The following MED13 variants were observed in gnomAD, a reference collection of about 807,000 sequenced individuals.
MED13 encodes the protein mediator complex subunit 13.
MED13 carries 23 observed loss-of-function variants against 225.2 expected under a neutral mutation model. The ratio of observed to expected loss-of-function variants is 0.10; its 90% confidence interval spans 0.07 to 0.14. The LOEUF (loss-of-function observed/expected upper bound fraction) is 0.14. Ranked by LOEUF, MED13 falls within the 10% of genes least tolerant of loss-of-function variation. MED13 has a pLI of 1.00. For synonymous variants in MED13, 942 were observed against 889.2 expected (o/e 1.06, Z -1.06); for missense variants, 2,197 against 2,594.5 (o/e 0.85, Z 3.33).
chr17:61,958,021 C>A (rs1260515608), intron 23 of MED13, among the ~76,000 whole-genome samples: 1 of 151,528 alleles, frequency 6.6e-6, no homozygotes, highest in Non-Finnish European at 1.5e-5. Flanking sequence ...CCCGCCACTA[C>A]GCCCAGCTAA....
intron 2 of MED13, among the ~76,000 whole-genome samples, chr17:62,060,497 G>A (rs1351353384): frequency 6.6e-6 from 1 of 151,512 alleles, no homozygotes; most frequent in Non-Finnish European, 1.5e-5. Context: ...GTGGGCGCCT[G>A]TAGTCCCAGG....
chr17:61,964,064 C>T (rs2080031505), intron 20 of MED13, among the ~76,000 whole-genome samples: 1 of 152,208 alleles, frequency 6.6e-6, no homozygotes, highest in Non-Finnish European at 1.5e-5. Flanking sequence ...CAGTACAACT[C>T]TAAAGCCTCT....
intron 10 of MED13, 47 bp downstream of exon 10, chr17:61,995,105 G>T: frequency 7.8e-7 from 1 of 1,286,908 alleles, no homozygotes; most frequent in Non-Finnish European, 1.1e-6. Flanking sequence ...TATATGCAGT[G>T]CTACAAAATC....
At position 61,982,203 on chromosome 17, in the gene MED13, C is replaced by A. The variant is rs756119296; in HGVS notation, c.3800G>T (p.Arg1267Ile). 1 of 1,602,654 alleles carries A rather than the reference C, an allele frequency of 6.2e-7. No homozygotes were observed. The highest frequency in any genetic ancestry group is 1.7e-5 in the Admixed American group (1 of 57,762). The change falls in exon 16 of 30, where the codon AGA (arginine) becomes ATA (isoleucine). Residue 1267 changes from arginine to isoleucine, a missense_variant. Transcript: ENST00000397786. Reference sequence around the variant, plus strand: ...ATTTTATTGGCATACTTTACCGTTTCTTTTGGACCAGGGGTGTAAGCATGA... The same window carrying A: ...ATTTTATTGGCATACTTTACCGTTTATTTTGGACCAGGGGTGTAAGCATGA... ...KSSCLHPWSK[R>I]NDVSMQCSQD...
intron 3 of MED13, among the ~76,000 whole-genome samples, chr17:62,049,691 G>T (rs1028960834): frequency 6.6e-6 from 1 of 152,156 alleles, no homozygotes; most frequent in Non-Finnish European, 1.5e-5. Context: ...CAGCACTTGG[G>T]GAGGCCGAGG....
intron 3 of MED13, among the ~76,000 whole-genome samples, chr17:62,048,057 T>TATAC (rs1186363218): frequency 6.9e-6 from 1 of 143,962 alleles, no homozygotes; most frequent in Non-Finnish European, 1.5e-5. Flanking sequence ...TATATATATA[T>TATAC]ATATATGTAT....
intron 9 of MED13, among the ~76,000 whole-genome samples, chr17:62,008,317 C>CAAAAAAAAAAAA (rs766909961): frequency 0.015 from 496 of 33,166 alleles, 61 homozygotes; most frequent in East Asian, 0.024. Flanking sequence ...GGCTCTGTCT[C>CAAAAAAAAAAAA]AAAAAAAAAA....
chr17:62,049,076 G>GAAAAAAAAAAAAAAAAA (rs2080929105), intron 3 of MED13, among the ~76,000 whole-genome samples: 1 of 19,140 alleles, frequency 5.2e-5, no homozygotes, highest in African/African-American at 4.2e-4. Context: ...CAGTAAATAA[G>GAAAAAAAAAAAAAAAAA]ACAAAAAAAA....
At chr17:62,056,253 CGTT>C (rs79818060) in intron 2 of MED13, among the ~76,000 whole-genome samples, 10,726 of 152,182 alleles carry the variant, frequency 0.07, 601 homozygotes, top group South Asian at 0.31. Flanking sequence ...ACTTTCTACA[CGTT>C]GTATTCAGAT....
chr17:62,009,083 G>A (rs937961341), intron 9 of MED13, among the ~76,000 whole-genome samples: 3 of 152,104 alleles, frequency 2.0e-5, no homozygotes, highest in Non-Finnish European at 2.9e-5. Context: ...GGAAGGAATC[G>A]TAATCTTTGT....
At chr17:62,022,968 T>A (rs973746644) in intron 8 of MED13, among the ~76,000 whole-genome samples, 1 of 152,086 alleles carries the variant, frequency 6.6e-6, no homozygotes, top group Non-Finnish European at 1.5e-5. Flanking sequence ...CATGATTTCA[T>A]CACTGCACTC....
chr17:62,034,756 T>C (rs973760130), intron 4 of MED13, among the ~76,000 whole-genome samples: 1 of 152,192 alleles, frequency 6.6e-6, no homozygotes, highest in African/African-American at 2.4e-5. Flanking sequence ...TTATAAAATA[T>C]TTCTTCTAGA....
chr17:61,991,582 C>T (rs1202812224), intron 11 of MED13, among the ~76,000 whole-genome samples: 1 of 152,106 alleles, frequency 6.6e-6, no homozygotes, highest in Admixed American at 6.6e-5. Context: ...GATCTCGGCA[C>T]ACTGCAACCT....
chr17:61,963,298 T>C (rs2080023106), intron 20 of MED13, among the ~76,000 whole-genome samples: 2 of 141,926 alleles, frequency 1.4e-5, no homozygotes, highest in African/African-American at 5.3e-5. Flanking sequence ...TGGCTTAGAG[T>C]TTAAGGGATA....
intron 2 of MED13, among the ~76,000 whole-genome samples, chr17:62,057,694 T>C (rs773298503): frequency 2.6e-5 from 4 of 152,186 alleles, no homozygotes; most frequent in Admixed American, 6.5e-5. Context: ...TTCAGAACAA[T>C]AGTCCACTTA....
chr17:61,978,516 G>T (rs922776809), intron 16 of MED13, among the ~76,000 whole-genome samples: 1 of 152,070 alleles, frequency 6.6e-6, no homozygotes, highest in Non-Finnish European at 1.5e-5. Flanking sequence ...ACTTTGTGGG[G>T]GGCCAAGGTG....
chr17:62,029,696 C>T lies in MED13; in HGVS notation c.1173-45G>A, dbSNP rs763035906. 4.5e-6 allele frequency: 7 copies of T among 1,567,066 alleles called. No homozygotes were observed. The East Asian group carries it at 1.6e-4, about 35-fold the overall frequency. On this transcript the variant is annotated intron_variant, in intron 7 of 29. Coordinates refer to ENST00000397786, the MANE Select transcript of MED13 (RefSeq NM_005121.3). ...AATTCTTTAAAATTCATAAAATTTTCTATCAAACCTCAATGTAGCATTGAA... is the reference window on the plus strand; with the variant it reads ...AATTCTTTAAAATTCATAAAATTTTTTATCAAACCTCAATGTAGCATTGAA...
intron 3 of MED13, among the ~76,000 whole-genome samples, chr17:62,041,408 CATAAAA>C (rs59293080): frequency 1 from 152,293 of 152,358 alleles, 76,114 homozygotes; most frequent in Middle Eastern, 1. Flanking sequence ...AGCTGCCACT[CATAAAA>C]TTTTATGAGT....
Position 61,944,834 on chromosome 17 carries a change from T to G in MED13, c.*1634A>C, listed in dbSNP as rs1353259868. On this transcript the variant is annotated 3_prime_UTR_variant, in exon 30 of 30. Coordinates refer to ENST00000397786, the MANE Select transcript of MED13 (RefSeq NM_005121.3). The stretch of plus-strand genomic sequence containing the variant: ...GGCGACTGTGAATTCAAGTCAGCAA[T>G]GCAGGTAGGAGGCGAACTTGGGCTC... 2 of 152,602 alleles carry G rather than the reference T, an allele frequency of 1.3e-5. No individual in the cohort carries two copies. The allele number at this position is 152,602 out of a possible 1,614,324, so 9.5% of individuals were successfully genotyped here.
Sources: gnomAD v4.1 joint callset for allele counts (sites outside exome capture counted in the v4.1 genomes callset) on GRCh38, gnomAD v4.1.1 for gene constraint, MANE v1.5 for transcripts, NCBI Gene and HGNC (gene_info 2026-07-23, HGNC 2026-07-21) for gene names.